KCTD2: variants seen among roughly 807,000 people sequenced by gnomAD.
The protein encoded by KCTD2 is BTB/POZ domain-containing protein KCTD2.
In KCTD2, 18 loss-of-function variants were observed where a neutral mutation model predicts 27.9. The ratio of observed to expected loss-of-function variants is 0.64; its 90% CI spans 0.45 to 0.96. KCTD2 has a LOEUF of 0.96. KCTD2 is among the 40% of genes least tolerant of loss of function. The probability of loss-of-function intolerance (pLI) is 0.00; values close to 1 mark genes in which losing one functional copy is unlikely to be tolerated. For synonymous variants in KCTD2, 175 were observed against 148.4 expected (o/e 1.18, Z -1.30); for missense variants, 280 against 348.0 (o/e 0.80, Z 1.56).
intron 3 of KCTD2, among the ~76,000 whole-genome samples, chr17:75,056,128 G>A (rs1225812584): frequency 1.3e-5 from 2 of 152,182 alleles, no homozygotes; most frequent in Non-Finnish European, 2.9e-5. Context: ...ATCTCCAGCA[G>A]TTTGCAAAAG....
intron 1 of KCTD2, among the ~76,000 whole-genome samples, chr17:75,033,831 CCT>C (rs910108556): frequency 6.6e-5 from 10 of 152,212 alleles, no homozygotes; most frequent in African/African-American, 1.9e-4. Flanking sequence ...ATGGATCGCG[CCT>C]CTGTCAGGCC....
At chr17:75,035,259 C>T (rs1395538108) in exon 3 of KCTD2, 1 of 152,186 alleles carries the variant, frequency 6.6e-6, no homozygotes, top group African/African-American at 2.4e-5. Flanking sequence ...AATCCCTCCA[C>T]ACCGCGGCTC....
At chr17:75,062,965 A>G in intron 5 of KCTD2, 53 bp from the exon 6 acceptor site, 2 of 1,592,558 alleles carry the variant, frequency 1.3e-6, no homozygotes, top group Admixed American at 1.7e-5. Flanking sequence ...ATCCCCCGAC[A>G]TCTCTGTCTT....
chr17:75,052,673 A>G (rs527317386), intron 2 of KCTD2, among the ~76,000 whole-genome samples: 2 of 152,218 alleles, frequency 1.3e-5, no homozygotes, highest in Admixed American at 6.5e-5. Context: ...CAGTGAGCCA[A>G]GATCATGCCA....
intron 4 of KCTD2, chr17:75,060,737 G>A: frequency 1.4e-6 from 1 of 740,470 alleles, no homozygotes; most frequent in Non-Finnish European, 2.1e-6. Context: ...AACCGCCTGA[G>A]TAAATATGAT....
At chr17:75,041,009 G>A (rs1287451557) in intron 3 of KCTD2, 1 of 152,088 alleles carries the variant, frequency 6.6e-6, no homozygotes, top group Non-Finnish European at 1.5e-5. Context: ...ATTGAGACTT[G>A]TGTAAATATC....
chr17:75,042,691 T>C, upstream of KCTD2: 1 of 1,580,210 alleles, frequency 6.3e-7, no homozygotes, highest in Non-Finnish European at 8.6e-7. Context: ...AACAAGGCTT[T>C]TTTATGAGGT....
At chr17:75,045,190 G>A (rs1348352230), upstream of KCTD2, among the ~76,000 whole-genome samples, 3 of 152,210 alleles carry the variant, frequency 2.0e-5, no homozygotes, top group East Asian at 3.8e-4. Context: ...GTTTCAAAAG[G>A]GGAGGGAGTA....
At chr17:75,043,134 T>C (rs1233007306), upstream of KCTD2, among the ~76,000 whole-genome samples, 2 of 152,068 alleles carry the variant, frequency 1.3e-5, no homozygotes, top group Non-Finnish European at 2.9e-5. Context: ...GGCATAAGAA[T>C]CACTTGAACC....
chr17:75,041,094 C>T (rs2073155219), intron 3 of KCTD2: 1 of 151,936 alleles, frequency 6.6e-6, no homozygotes. Flanking sequence ...CATGGTGGCT[C>T]ACACCTGTAC....
intron 3 of KCTD2, among the ~76,000 whole-genome samples, chr17:75,035,628 A>C (rs907744075): frequency 2.6e-5 from 4 of 152,254 alleles, no homozygotes; most frequent in Admixed American, 2.6e-4. Flanking sequence ...GACCCGCCTG[A>C]CCAACATGGT....
intron 4 of KCTD2, among the ~76,000 whole-genome samples, chr17:75,060,073 C>T (rs746420911): frequency 1.3e-4 from 20 of 152,198 alleles, no homozygotes; most frequent in Non-Finnish European, 2.4e-4. Context: ...GTGGTGCGGC[C>T]GTTTCCCCTA....
chr17:75,046,350 G>A (rs1278353437), upstream of KCTD2, among the ~76,000 whole-genome samples: 1 of 152,168 alleles, frequency 6.6e-6, no homozygotes, highest in African/African-American at 2.4e-5. Flanking sequence ...CTAAAATTCT[G>A]GGATTACAGG....
chr17:75,060,660 C>A, intron 4 of KCTD2: 1 of 1,517,970 alleles, frequency 6.6e-7, no homozygotes, highest in Non-Finnish European at 8.8e-7. Context: ...CCAGGGAGGG[C>A]GCGCGTGCGA....
Position 75,063,481 on chromosome 17 carries a change from C to A in KCTD2, c.*434C>A, listed in dbSNP as rs184199714. 2.0e-4 allele frequency: 40 copies of A among 199,410 alleles called. No homozygotes were observed. The highest frequency in any genetic ancestry group is 8.9e-4 in the African/African-American group (39 of 43,932). The allele number at this position is 199,410 out of a possible 1,614,324, so 12.4% of individuals were successfully genotyped here. A position where few individuals can be genotyped will look rare whatever the true frequency, so the allele number is the denominator to read the frequency against. ...TGTGTGCCACAATGGACGTTAGCAGCTGCTTCGGAACACCGTCCCTCCTAT... is the reference window on the plus strand; with the variant it reads ...TGTGTGCCACAATGGACGTTAGCAGATGCTTCGGAACACCGTCCCTCCTAT... On this transcript the variant is annotated 3_prime_UTR_variant, in exon 6 of 6. Transcript: ENST00000322444.
chr17:75,047,696 C>G (rs1165247233), intron 1 of KCTD2, 107 bp downstream of exon 1: 2 of 1,160,628 alleles, frequency 1.7e-6, no homozygotes, highest in East Asian at 6.2e-5. Context: ...CCCCCTCAGG[C>G]CGGGACCCCA....
rs536163163 is a variant in KCTD2, at chr17:75,032,742, G to C, written c.-470+18G>C. 4.6e-5 allele frequency: 7 copies of C among 152,078 alleles called. No individual in the cohort carries two copies. The highest frequency in any genetic ancestry group is 7.3e-5 in the Non-Finnish European group (5 of 68,090). The allele number at this position is 152,078 out of a possible 1,614,324, so 9.4% of individuals were successfully genotyped here. ...TGAGCAAGGCAAGGCTGAGCCCCGG[G>C]CGGGCGGGTTGGGGGAACATGCCTA... On this transcript the variant is annotated intron_variant, in intron 1 of 7. Coordinates refer to the KCTD2 transcript ENST00000581589. The surrounding 1 kb of genome is among the most constrained non-coding windows in gnomAD (Gnocchi z 4.8).
At chr17:75,053,445 C>CT (rs796593176) in intron 3 of KCTD2, among the ~76,000 whole-genome samples, 6,770 of 146,430 alleles carry the variant, frequency 0.046, 494 homozygotes, top group African/African-American at 0.16. Context: ...GTTGGCCGCT[C>CT]TTTTTTTTTT....
chr17:75,040,512 TC>T (rs1366779932), intron 3 of KCTD2: 7 of 283,744 alleles, frequency 2.5e-5, no homozygotes, highest in African/African-American at 1.6e-4. Flanking sequence ...GTAAAGAAAT[TC>T]TGATTTCTCT....
Sources: allele counts gnomAD v4.1 joint callset (sites outside exome capture counted in the v4.1 genomes callset), GRCh38; gene constraint gnomAD v4.1.1; non-coding constraint Gnocchi (gnomAD v3.1); transcripts MANE v1.5; gene names NCBI Gene and HGNC (gene_info 2026-07-23, HGNC 2026-07-21).